MED12L: variants seen among roughly 807,000 people sequenced by gnomAD.
The protein encoded by MED12L is mediator of RNA polymerase II transcription subunit 12-like protein.
In MED12L, 60 loss-of-function variants were observed where a neutral mutation model predicts 281.3. That is an observed-to-expected ratio of 0.21 (90% confidence interval 0.17 to 0.26). MED12L has a LOEUF of 0.26. MED12L is among the 10% of genes least tolerant of loss of function. MED12L has a pLI of 1.00. For missense variants in MED12L, 2,146 were observed against 2,680.9 expected (o/e 0.80, Z 4.41); for synonymous variants, 974 against 987.2 (o/e 0.99, Z 0.25).
Position 151,432,987 on chromosome 3 carries a change from G to A in MED12L, c.*183G>A, listed in dbSNP as rs1425618986. ...AAACAAAAAGCCAAGGAGAAGTTGT[G>A]GTTTGATTTTGTTGAATTCACCTTT... On this transcript the variant is annotated 3_prime_UTR_variant, in exon 45 of 45. Transcript: ENST00000687756. 5.6e-6 allele frequency: 3 copies of A among 535,458 alleles called. No homozygotes were observed. The highest frequency in any genetic ancestry group is 3.9e-5 in the African/African-American group (2 of 51,844). 33.2% of individuals were successfully genotyped at this position (535,458 alleles called of 1,614,324 possible).
At chr3:151,129,888 C>G (rs1252437719) in intron 5 of MED12L, among the ~76,000 whole-genome samples, 2 of 152,092 alleles carry the variant, frequency 1.3e-5, no homozygotes, top group Non-Finnish European at 2.9e-5. Flanking sequence ...CCTGCCTCAG[C>G]CTCTCAAGTT....
At chr3:151,207,406 A>G (rs908291175) in intron 16 of MED12L, among the ~76,000 whole-genome samples, 3 of 152,058 alleles carry the variant, frequency 2.0e-5, no homozygotes, top group Non-Finnish European at 2.9e-5. Flanking sequence ...GTAATGCTCC[A>G]GACTGTGGTG....
chr3:151,206,405 T>C (rs1726363379), intron 16 of MED12L, among the ~76,000 whole-genome samples: 1 of 152,074 alleles, frequency 6.6e-6, no homozygotes, highest in Non-Finnish European at 1.5e-5. Flanking sequence ...TTGACAGTCC[T>C]TTTGGTTGTC....
In MED12L at chr3:151,409,223, G is replaced by A. The variant is rs185735961; in HGVS notation, c.5821-20G>A. On this transcript the variant is annotated intron_variant, in intron 39 of 44. Transcript: ENST00000687756. The stretch of plus-strand genomic sequence containing the variant: ...CCCTTGCTGTTATGATCAAGAGTTT[G>A]CTTTGGCTTTGTTTTCCAGGGCCAG... 1 of 1,575,748 alleles carries A rather than the reference G, an allele frequency of 6.3e-7. No homozygotes were observed.
intron 23 of MED12L, 61 bp downstream of exon 23, chr3:151,366,052 A>T: frequency 7.5e-7 from 1 of 1,338,628 alleles, no homozygotes; most frequent in South Asian, 2.1e-5. Flanking sequence ...TTAGTGGGTA[A>T]TCTTTTTGCT....
chr3:151,086,676 C>T (rs1719257609), intron 1 of MED12L, 122 bp from the exon 2 acceptor site: 5 of 359,952 alleles, frequency 1.4e-5, no homozygotes, highest in South Asian at 5.2e-5. Context: ...GCCGCCGCCA[C>T]CGGAGCGGTG....
At chr3:151,212,964 T>G in intron 16 of MED12L, 1 of 158,426 alleles carries the variant, frequency 6.3e-6, no homozygotes, top group Admixed American at 6.4e-5. Context: ...TTGATTATGT[T>G]GTGTTTTATT....
intron 16 of MED12L, among the ~76,000 whole-genome samples, chr3:151,215,768 C>G (rs965751384): frequency 2.0e-5 from 3 of 152,188 alleles, no homozygotes; most frequent in African/African-American, 7.2e-5. Flanking sequence ...GGAGAATGCC[C>G]TAAGTCTGTA....
rs1713980038 is a variant in MED12L, at chr3:151,122,957, T to C, written c.379T>C (p.Ser127Pro). ...FSDLAGNKPLSILAKKVPILS... is the reference protein window; with the variant it reads ...FSDLAGNKPLPILAKKVPILS... ...TGACTTAGCAGGAAATAAGCCACTTTCTATTTTGGCAAAAAAGGTATCAAA... is the reference window on the plus strand; with the variant it reads ...TGACTTAGCAGGAAATAAGCCACTTCCTATTTTGGCAAAAAAGGTATCAAA... Residue 127 changes from serine (S) to proline (P), a missense_variant, in exon 4 of 45, where the codon TCT (serine) becomes CCT (proline). Coordinates refer to ENST00000687756, the MANE Select transcript of MED12L (RefSeq NM_001393769.1). 3 of 1,605,514 alleles carry C rather than the reference T, an allele frequency of 1.9e-6. No homozygotes were observed. The highest frequency in any genetic ancestry group is 1.1e-5 in the South Asian group (1 of 88,720).
chr3:151,403,700 A>G (rs1400420546), intron 39 of MED12L, among the ~76,000 whole-genome samples: 1 of 152,224 alleles, frequency 6.6e-6, no homozygotes, highest in Non-Finnish European at 1.5e-5. Flanking sequence ...AAGCATTAGA[A>G]TAAAAAAGAG....
At chr3:151,171,976 G>GA (rs1483168936) in intron 11 of MED12L, among the ~76,000 whole-genome samples, 1 of 152,126 alleles carries the variant, frequency 6.6e-6, no homozygotes, top group Admixed American at 6.5e-5. Context: ...TCATTTTTTA[G>GA]ACCTCATTAA....
chr3:151,087,120 G>A (rs1719343687), intron 2 of MED12L, 95 bp downstream of exon 2: 2 of 1,038,994 alleles, frequency 1.9e-6, no homozygotes, highest in South Asian at 1.6e-5. Flanking sequence ...CGGCGCTGCG[G>A]TGGAAGAGGT....
intron 5 of MED12L, among the ~76,000 whole-genome samples, chr3:151,155,088 A>C (rs1719093807): frequency 6.6e-6 from 1 of 152,252 alleles, no homozygotes; most frequent in Non-Finnish European, 1.5e-5. Flanking sequence ...AGTAAAAACA[A>C]AGCACTCAGT....
intron 2 of MED12L, among the ~76,000 whole-genome samples, chr3:151,100,458 G>GT (rs1354106758): frequency 1.1e-4 from 17 of 152,208 alleles, no homozygotes; most frequent in African/African-American, 3.9e-4. Context: ...AATGTATTTT[G>GT]TTTGAAGTGT....
chr3:151,310,367 A>G (rs992649384), intron 16 of MED12L, among the ~76,000 whole-genome samples: 1 of 152,218 alleles, frequency 6.6e-6, no homozygotes, highest in Non-Finnish European at 1.5e-5. Flanking sequence ...ATGTTGTCTT[A>G]TCCTGCCTCT....
intron 16 of MED12L, among the ~76,000 whole-genome samples, chr3:151,238,122 A>T (rs1331869798): frequency 6.7e-6 from 1 of 149,084 alleles, no homozygotes; most frequent in Non-Finnish European, 1.5e-5. Context: ...AGTTTAGAAC[A>T]GTGCACATTT....
At chr3:151,298,940 C>G (rs1265154650) in intron 16 of MED12L, among the ~76,000 whole-genome samples, 1 of 152,208 alleles carries the variant, frequency 6.6e-6, no homozygotes, top group Non-Finnish European at 1.5e-5. Flanking sequence ...GCAGAAAGTT[C>G]TATTTGACAA....
intron 16 of MED12L, among the ~76,000 whole-genome samples, chr3:151,246,170 A>G (rs1156632414): frequency 6.6e-6 from 1 of 152,210 alleles, no homozygotes; most frequent in Non-Finnish European, 1.5e-5. Context: ...AGGAAGAATA[A>G]ATATCGTGAA....
intron 11 of MED12L, among the ~76,000 whole-genome samples, chr3:151,171,098 C>G (rs1721366004): frequency 6.6e-6 from 1 of 152,192 alleles, no homozygotes; most frequent in Non-Finnish European, 1.5e-5. Flanking sequence ...TGGTACATGT[C>G]TTCTACAACA....
Sources: gnomAD v4.1 joint callset for allele counts (sites outside exome capture counted in the v4.1 genomes callset) on GRCh38, gnomAD v4.1.1 for gene constraint, MANE v1.5 for transcripts, NCBI Gene and HGNC (gene_info 2026-07-23, HGNC 2026-07-21) for gene names.